The following KCNMB4 variants were observed in gnomAD, a reference collection of about 807,000 sequenced individuals.
KCNMB4 encodes potassium calcium-activated channel subfamily M regulatory beta subunit 4.
A neutral mutation model predicts 20.7 loss-of-function variants in KCNMB4; 3 were observed. That is an observed-to-expected ratio of 0.14 (90% CI 0.07 to 0.37). KCNMB4 has a LOEUF of 0.37. KCNMB4 is among the 10% of genes least tolerant of loss of function. KCNMB4 has a pLI of 1.00. For synonymous variants in KCNMB4, 110 were observed against 113.4 expected (o/e 0.97, Z 0.19); for missense variants, 168 against 265.9 (o/e 0.63, Z 2.56).
intron 2 of KCNMB4, among the ~76,000 whole-genome samples, chr12:70,428,269 C>T (rs1253488871): frequency 1.3e-5 from 2 of 152,234 alleles, no homozygotes; most frequent in Admixed American, 6.5e-5. Flanking sequence ...GCTGGGATTA[C>T]AGGCATGAGC....
intron 1 of KCNMB4, among the ~76,000 whole-genome samples, chr12:70,377,367 A>C (rs1011480320): frequency 6.6e-6 from 1 of 152,230 alleles, no homozygotes; most frequent in Non-Finnish European, 1.5e-5. Flanking sequence ...TACATATAAA[A>C]ATTACATTTA....
intron 2 of KCNMB4, among the ~76,000 whole-genome samples, chr12:70,405,280 A>ATGT (rs1868568236): frequency 6.6e-6 from 1 of 152,206 alleles, no homozygotes; most frequent in African/African-American, 2.4e-5. Context: ...GAACTCCTAC[A>ATGT]ACTCAATAGT....
chr12:70,405,376 T>G (rs1297194878), intron 2 of KCNMB4, among the ~76,000 whole-genome samples: 1 of 152,096 alleles, frequency 6.6e-6, no homozygotes, highest in East Asian at 1.9e-4. Flanking sequence ...GGCTGACAGG[T>G]ATATGAAACA....
At chr12:70,376,632 C>T (rs1409460264) in intron 1 of KCNMB4, among the ~76,000 whole-genome samples, 2 of 151,842 alleles carry the variant, frequency 1.3e-5, no homozygotes, top group Non-Finnish European at 1.5e-5. Context: ...CTTTGGGAGG[C>T]CAAAGCAGGA....
chr12:70,367,143 G>A, intron 1 of KCNMB4, 73 bp downstream of exon 1: 1 of 1,246,288 alleles, frequency 8.0e-7, no homozygotes. Context: ...TAGACTCCGC[G>A]CGGGGAGGGT....
chr12:70,389,456 G>A (rs1298606239), intron 1 of KCNMB4, among the ~76,000 whole-genome samples: 1 of 152,174 alleles, frequency 6.6e-6, no homozygotes, highest in Admixed American at 6.5e-5. Flanking sequence ...CACTTTGGGA[G>A]GCTGAGGCAG....
chr12:70,403,073 G>C (rs959614238), intron 2 of KCNMB4, among the ~76,000 whole-genome samples: 1 of 152,204 alleles, frequency 6.6e-6, no homozygotes, highest in African/African-American at 2.4e-5. Context: ...TGGAGACGGG[G>C]TATACCCCTG....
chr12:70,430,564 G>A lies in KCNMB4; in HGVS notation c.544G>A (p.Val182Met). 3 of 1,614,082 alleles carry A rather than the reference G, an allele frequency of 1.9e-6. No homozygotes were observed. In the South Asian group the frequency reaches 3.3e-5, roughly 18 times the overall value. Reference sequence around the variant, plus strand: ...CTTCCTCTGGCCCCTGGTGACATTTGTGGTGGGCGTTCTCATTGTGGTCCT... The same window carrying A: ...CTTCCTCTGGCCCCTGGTGACATTTATGGTGGGCGTTCTCATTGTGGTCCT... ...HCFLWPLVTF[V>M]VGVLIVVLTI... The change falls in exon 3 of 3, where the codon GTG becomes ATG. Residue 182 changes from valine (V) to methionine (M), a missense_variant. Physicochemically the swap from Val to Met is conservative, Grantham distance 21. Transcript: ENST00000258111.
chr12:70,428,451 C>T (rs1290566153), intron 2 of KCNMB4, among the ~76,000 whole-genome samples: 1 of 152,162 alleles, frequency 6.6e-6, no homozygotes, highest in Non-Finnish European at 1.5e-5. Flanking sequence ...GAAAGAGCAA[C>T]CTGAGAGACA....
chr12:70,385,053 A>T (rs1883864977), intron 1 of KCNMB4, among the ~76,000 whole-genome samples: 1 of 152,138 alleles, frequency 6.6e-6, no homozygotes, highest in Non-Finnish European at 1.5e-5. Flanking sequence ...GATATTATTG[A>T]TAAATACTTC....
intron 1 of KCNMB4, among the ~76,000 whole-genome samples, chr12:70,372,058 G>C (rs772393736): frequency 7.2e-5 from 11 of 152,206 alleles, no homozygotes; most frequent in African/African-American, 1.2e-4. Flanking sequence ...AGCAGAGACA[G>C]AAGGGATGTA....
rs1479100864 is a variant in KCNMB4, at chr12:70,366,935, G to C, written c.201G>C (p.Glu67Asp). ...LSVQQIGEVF[E>D]CTFTCGADCR... The stretch of plus-strand genomic sequence containing the variant: ...TGCAGCAGATCGGCGAGGTGTTCGA[G>C]TGCACCTTCACCTGTGGCGCCGACT... The change falls in exon 1 of 3, where the codon GAG (glutamate) becomes GAC (aspartate). Residue 67 changes from glutamate to aspartate, a missense_variant. Coordinates refer to ENST00000258111, the MANE Select transcript of KCNMB4 (RefSeq NM_014505.6). 6.2e-7 allele frequency: 1 copy of C among 1,612,760 alleles called. No individual in the cohort carries two copies. Among genetic ancestry groups the C allele is most frequent in the Admixed American group, 1.7e-5 (1 of 59,844 alleles).
At position 70,433,710 on chromosome 12, in the gene KCNMB4, C is replaced by G. The variant is rs1044348327; in HGVS notation, c.*3057C>G. On this transcript the variant is annotated 3_prime_UTR_variant, in exon 3 of 3. Transcript: ENST00000258111. ...GCCCATGCCGTGATAATCTGCTGAG[C>G]AGGCATGATGGAGATCCCTTGCCCA... 1 of 152,274 alleles carries G rather than the reference C, an allele frequency of 6.6e-6. No homozygotes were observed. The highest frequency in any genetic ancestry group is 2.4e-5 in the African/African-American group (1 of 41,476). 9.4% of individuals were successfully genotyped at this position (152,274 alleles called of 1,614,324 possible).
chr12:70,408,403 G>A (rs1030356253), intron 2 of KCNMB4, among the ~76,000 whole-genome samples: 1 of 152,096 alleles, frequency 6.6e-6, no homozygotes, highest in Non-Finnish European at 1.5e-5. Context: ...TTTCGATTTC[G>A]CTCAAATGCA....
intron 1 of KCNMB4, among the ~76,000 whole-genome samples, chr12:70,395,155 T>TTTTTTTTTTTTTTTTTTTTTTTTG (rs1555212238): frequency 3.3e-5 from 5 of 151,432 alleles, no homozygotes; most frequent in African/African-American, 4.9e-5. Flanking sequence ...GATAATGTTT[T>TTTTTTTTTTTTTTTTTTTTTTTTG]AAGAATTCAT....
At chr12:70,368,574 C>T (rs889037987) in intron 1 of KCNMB4, among the ~76,000 whole-genome samples, 1 of 151,738 alleles carries the variant, frequency 6.6e-6, no homozygotes, top group African/African-American at 2.4e-5. Context: ...AAAGAAATCT[C>T]AGGGTTTTAG....
intron 2 of KCNMB4, among the ~76,000 whole-genome samples, chr12:70,400,934 A>T (rs983972655): frequency 2.0e-5 from 3 of 152,230 alleles, no homozygotes; most frequent in African/African-American, 7.2e-5. Context: ...AGAAAATGGC[A>T]TGACCATTCA....
intron 1 of KCNMB4, among the ~76,000 whole-genome samples, chr12:70,367,943 CTG>C (rs1442715408): frequency 6.6e-6 from 1 of 151,532 alleles, no homozygotes; most frequent in Non-Finnish European, 1.5e-5. Flanking sequence ...TCTCAGAAAA[CTG>C]TTCCCAATGG....
intron 2 of KCNMB4, among the ~76,000 whole-genome samples, chr12:70,428,661 T>C (rs957875147): frequency 1.3e-5 from 2 of 152,120 alleles, no homozygotes; most frequent in African/African-American, 4.8e-5. Context: ...TTCTTGAAAA[T>C]TTGCATGGAT....
Sources: allele counts gnomAD v4.1 joint callset (sites outside exome capture counted in the v4.1 genomes callset), GRCh38; gene constraint gnomAD v4.1.1; transcripts MANE v1.5; gene names NCBI Gene and HGNC (gene_info 2026-07-23, HGNC 2026-07-21).